Variants in ACSS1 observed in about 807,000 individuals in gnomAD.
The protein encoded by ACSS1 is acyl-CoA synthetase short chain family member 1.
In ACSS1, 42 loss-of-function variants were observed where a neutral mutation model predicts 75.3. The ratio of observed to expected loss-of-function variants is 0.56; its 90% CI spans 0.44 to 0.72. ACSS1 has a LOEUF of 0.72. Among genes scored for constraint, ACSS1 ranks in the 30% least tolerant of loss-of-function variants. ACSS1 has a pLI of 0.00. For missense variants in ACSS1, 782 were observed against 935.7 expected (o/e 0.84, Z 2.14); for synonymous variants, 380 against 376.8 (o/e 1.01, Z -0.10).
rs762844669 is a variant in ACSS1, at chr20:25,057,899, C to T, written c.204G>A (p.Glu68=). 2 of 1,612,248 alleles carry T rather than the reference C, an allele frequency of 1.2e-6. No homozygotes were observed. Among genetic ancestry groups the T allele is most frequent in the South Asian group, 2.2e-5 (2 of 90,990 alleles). Residue 68 remains glutamate, a synonymous_variant, in exon 1 of 14, where the codon GAG becomes GAA. Transcript: ENST00000323482. ...YPALSAQAAR[E]PAAFWGPLAR... ...CCAGAGGCCCCCAGAAGGCGGCCGG[C>T]TCCCGGGCTGCCTGTGCACTCAGCG... is the stretch of plus-strand genomic sequence containing the variant.
chr20:25,055,312 G>A (rs943279949), intron 1 of ACSS1, among the ~76,000 whole-genome samples: 2 of 152,150 alleles, frequency 1.3e-5, no homozygotes, highest in African/African-American at 4.8e-5. Context: ...AGTTACATAC[G>A]GCCCTTGTTT....
chr20:25,013,713 T>C (rs2122596591), intron 9 of ACSS1, 51 bp from the exon 10 acceptor site: 1 of 1,557,132 alleles, frequency 6.4e-7, no homozygotes, highest in East Asian at 2.3e-5. Flanking sequence ...GGGTGAGAAG[T>C]GTGCCAAAAA....
intron 2 of ACSS1, chr20:25,031,233 A>G: frequency 2.0e-6 from 1 of 505,546 alleles, no homozygotes; most frequent in Non-Finnish European, 3.6e-6. Flanking sequence ...TTTTAGGGGA[A>G]CAGGAGCGTA....
chr20:25,009,217 C>G, intron 13 of ACSS1, 53 bp downstream of exon 13: 1 of 1,409,264 alleles, frequency 7.1e-7, no homozygotes, highest in Non-Finnish European at 1.0e-6. Flanking sequence ...TGTCACTTGA[C>G]AATTGTGGGA....
chr20:25,054,178 G>A (rs2089212419), intron 1 of ACSS1, among the ~76,000 whole-genome samples: 1 of 152,206 alleles, frequency 6.6e-6, no homozygotes, highest in Non-Finnish European at 1.5e-5. Context: ...GGGATGGGCA[G>A]GATACTGTGG....
chr20:25,013,447 C>T, intron 10 of ACSS1, 89 bp downstream of exon 10: 1 of 1,489,790 alleles, frequency 6.7e-7, no homozygotes, highest in Non-Finnish European at 9.0e-7. Flanking sequence ...TGTTACGCTG[C>T]ACTCAAATCC....
chr20:25,054,778 G>T (rs2089220414), intron 1 of ACSS1, among the ~76,000 whole-genome samples: 2 of 152,232 alleles, frequency 1.3e-5, no homozygotes, highest in African/African-American at 2.4e-5. Flanking sequence ...CACTGGTCTG[G>T]ACTGAGCTGC....
intron 5 of ACSS1, among the ~76,000 whole-genome samples, chr20:25,022,512 G>A (rs547773037): frequency 2.8e-4 from 42 of 152,352 alleles, no homozygotes; most frequent in Non-Finnish European, 4.4e-5. Context: ...AAGACATGCT[G>A]GACGGGGCTG....
chr20:25,033,504 G>A (rs1159496363), intron 2 of ACSS1, among the ~76,000 whole-genome samples: 2 of 152,222 alleles, frequency 1.3e-5, no homozygotes, highest in Non-Finnish European at 2.9e-5. Flanking sequence ...AGTAGCTATC[G>A]TCTTTCCCAT....
intron 2 of ACSS1, chr20:25,032,242 C>T: frequency 1.2e-6 from 1 of 857,636 alleles, no homozygotes; most frequent in Non-Finnish European, 1.6e-6. Context: ...ACCCACCACT[C>T]AGGGCGCATC....
At chr20:25,025,489 T>C (rs918778044) in intron 3 of ACSS1, among the ~76,000 whole-genome samples, 10 of 152,212 alleles carry the variant, frequency 6.6e-5, no homozygotes, top group Non-Finnish European at 1.0e-4. Context: ...ACCACAAACT[T>C]AGTGGCTCAG....
intron 2 of ACSS1, among the ~76,000 whole-genome samples, chr20:25,032,155 C>A (rs1419852089): frequency 2.0e-5 from 3 of 152,346 alleles, no homozygotes; most frequent in South Asian, 4.1e-4. Flanking sequence ...GCCCCCATGT[C>A]GTCCACCACG....
chr20:25,015,437 A>C (rs1456867369), intron 7 of ACSS1, among the ~76,000 whole-genome samples: 1 of 152,130 alleles, frequency 6.6e-6, no homozygotes, highest in Non-Finnish European at 1.5e-5. Context: ...CTGGTATTAC[A>C]GGCGCCTGCC....
At chr20:25,043,756 T>G (rs937727392) in intron 2 of ACSS1, among the ~76,000 whole-genome samples, 1 of 152,132 alleles carries the variant, frequency 6.6e-6, no homozygotes, top group Non-Finnish European at 1.5e-5. Flanking sequence ...CCTCACAGAC[T>G]CGGGGCCCAG....
Position 25,023,607 on chromosome 20 carries a change from T to A in ACSS1, c.666A>T (p.Gly222=). The A allele has an allele frequency of 6.2e-7, 1 of 1,611,890 alleles. No homozygotes were observed. Among genetic ancestry groups the A allele is most frequent in the South Asian group, 1.1e-5 (1 of 90,908 alleles). ...GCTCCACCACGCGCCCACCCCGGAG[T>A]CCTTGGTTGAAGGTGATAACCACCT... ...KCKVVITFNQ[G]LRGGRVVELK... Residue 222 remains glycine (G), a synonymous_variant, in exon 4 of 14, where the codon GGA becomes GGT. Transcript: ENST00000323482.
At chr20:25,039,101 C>T (rs979432744) in intron 2 of ACSS1, among the ~76,000 whole-genome samples, 7 of 152,210 alleles carry the variant, frequency 4.6e-5, no homozygotes, top group African/African-American at 1.2e-4. Flanking sequence ...CAGGGCTGCT[C>T]CCACAGAGCA....
chr20:25,020,056 G>A lies in ACSS1; in HGVS notation c.1200C>T (p.Ala400=). 1 of 1,614,206 alleles carries A rather than the reference G, an allele frequency of 6.2e-7. No homozygotes were observed. Among genetic ancestry groups the A allele is most frequent in the Non-Finnish European group, 8.5e-7 (1 of 1,180,040 alleles). The change falls in exon 7 of 14, where the codon GCC becomes GCT. Residue 400 remains alanine, a synonymous_variant. Coordinates refer to ENST00000323482, the MANE Select transcript of ACSS1 (RefSeq NM_032501.4). The stretch of plus-strand genomic sequence containing the variant: ...AGGAGCGATCATACTTCTTCACCCA[G>A]GCATCACCGTATTTCAGCAACAGCC... ...AVRLLLKYGD[A]WVKKYDRSSL...
At chr20:25,036,727 G>A (rs1251667363) in intron 2 of ACSS1, among the ~76,000 whole-genome samples, 2 of 152,044 alleles carry the variant, frequency 1.3e-5, no homozygotes, top group East Asian at 1.9e-4. Flanking sequence ...GGCTGAGGCA[G>A]GCAGATCACT....
intron 7 of ACSS1, among the ~76,000 whole-genome samples, chr20:25,019,774 CG>C (rs1288947180): frequency 7.2e-5 from 11 of 152,246 alleles, no homozygotes; most frequent in African/African-American, 2.7e-4. Context: ...ACAGAAACAA[CG>C]GCACAGAAAA....
Sources: allele counts gnomAD v4.1 joint callset (sites outside exome capture counted in the v4.1 genomes callset), GRCh38; gene constraint gnomAD v4.1.1; transcripts MANE v1.5; gene names NCBI Gene and HGNC (gene_info 2026-07-23, HGNC 2026-07-21).